Variants in RIMS2 observed in about 807,000 individuals in gnomAD.
RIMS2 encodes the protein regulating synaptic membrane exocytosis 2.
A neutral mutation model predicts 174.4 loss-of-function variants in RIMS2; 59 were observed. That is an observed-to-expected ratio of 0.34 (90% CI 0.27 to 0.42). The LOEUF (loss-of-function observed/expected upper bound fraction) is 0.42. RIMS2 is among the 10% of genes least tolerant of loss of function. RIMS2 has a pLI of 1.00. For synonymous variants in RIMS2, 606 were observed against 572.5 expected (o/e 1.06, Z -0.84); for missense variants, 1,620 against 1,666.3 (o/e 0.97, Z 0.48).
chr8:103,503,402 A>G (rs551011234), intron 1 of RIMS2, among the ~76,000 whole-genome samples: 140 of 152,122 alleles, frequency 9.2e-4, no homozygotes, highest in African/African-American at 3.2e-3. Context: ...AGTTTACTAA[A>G]TAATACATTA....
chr8:103,673,136 C>T (rs1188102924), intron 1 of RIMS2, among the ~76,000 whole-genome samples: 2 of 152,206 alleles, frequency 1.3e-5, no homozygotes, highest in Non-Finnish European at 2.9e-5. Flanking sequence ...AGGTGGGCTC[C>T]TATGGCCTTG....
chr8:104,039,799 A>G (rs1244621055), intron 19 of RIMS2, among the ~76,000 whole-genome samples: 3 of 151,762 alleles, frequency 2.0e-5, no homozygotes, highest in East Asian at 1.9e-4. Flanking sequence ...GATGGAAACA[A>G]AAATATAGCA....
intron 17 of RIMS2, among the ~76,000 whole-genome samples, chr8:103,997,497 A>C (rs940350355): frequency 6.6e-5 from 10 of 151,812 alleles, no homozygotes; most frequent in African/African-American, 2.4e-4. Context: ...GAAAGTAGGA[A>C]ATTTTAAATT....
At position 104,135,966 on chromosome 8, in the gene RIMS2, C is replaced by A. The variant is rs949709985; in HGVS notation, c.3335-108950C>A. ...GGGGTAATCTTCTGGATAATGTTAT[C>A]CCCGTTTTATACAATATGGAAACTG... is the stretch of plus-strand genomic sequence containing the variant. On this transcript the variant is annotated intron_variant, in intron 19 of 23. Transcript: ENST00000504942. 2.0e-5 allele frequency among the ~76,000 whole-genome samples: 3 copies of A among 152,120 alleles called. No individual in the cohort carries two copies. The South Asian group carries it at 6.2e-4, about 31-fold the overall frequency.
At chr8:103,687,306 G>A (rs954592066) in intron 1 of RIMS2, among the ~76,000 whole-genome samples, 18 of 151,936 alleles carry the variant, frequency 1.2e-4, no homozygotes, top group African/African-American at 3.1e-4. Context: ...CATTCTTGCT[G>A]TAGGTAATTT....
intron 19 of RIMS2, among the ~76,000 whole-genome samples, chr8:104,080,239 A>G (rs1292278111): frequency 6.6e-6 from 1 of 152,090 alleles, no homozygotes; most frequent in African/African-American, 2.4e-5. Context: ...TGTTAAACAA[A>G]TATGTGGTAC....
chr8:103,868,522 T>C (rs1249585497), intron 3 of RIMS2, among the ~76,000 whole-genome samples: 1 of 152,106 alleles, frequency 6.6e-6, no homozygotes, highest in East Asian at 1.9e-4. Flanking sequence ...TCCTCTTGAA[T>C]TGGGAATGTG....
chr8:104,040,057 G>C (rs1273015532), intron 19 of RIMS2, among the ~76,000 whole-genome samples: 1 of 151,292 alleles, frequency 6.6e-6, no homozygotes, highest in East Asian at 1.9e-4. Flanking sequence ...AATTGTTTTG[G>C]TCATCTTAGC....
intron 3 of RIMS2, among the ~76,000 whole-genome samples, chr8:103,832,580 C>G (rs1165236729): frequency 2.6e-5 from 4 of 152,088 alleles, no homozygotes; most frequent in African/African-American, 7.2e-5. Context: ...TTGTTCGCCT[C>G]TATGTGTCCA....
chr8:103,778,857 A>G (rs938477081), intron 3 of RIMS2, among the ~76,000 whole-genome samples: 1 of 152,088 alleles, frequency 6.6e-6, no homozygotes, highest in East Asian at 1.9e-4. Flanking sequence ...ATACTAATTT[A>G]TGTCCCCACC....
chr8:103,610,997 T>C (rs2095349749), intron 1 of RIMS2, among the ~76,000 whole-genome samples: 1 of 152,214 alleles, frequency 6.6e-6, no homozygotes, highest in South Asian at 2.1e-4. Flanking sequence ...GATTCAATTA[T>C]CGAACTCATT....
At chr8:103,957,866 C>T (rs926411521) in intron 14 of RIMS2, among the ~76,000 whole-genome samples, 3 of 152,120 alleles carry the variant, frequency 2.0e-5, no homozygotes, top group African/African-American at 7.2e-5. Context: ...CATCGCACAC[C>T]AGACAAAATG....
intron 19 of RIMS2, among the ~76,000 whole-genome samples, chr8:104,114,142 A>G (rs1298406517): frequency 2.6e-5 from 4 of 152,054 alleles, no homozygotes; most frequent in Non-Finnish European, 5.9e-5. Flanking sequence ...AGTAATTTTC[A>G]TGTTCTCTAA....
chr8:103,985,464 A>T (rs140291972), intron 16 of RIMS2, among the ~76,000 whole-genome samples: 1 of 128,904 alleles, frequency 7.8e-6, no homozygotes, highest in Non-Finnish European at 1.6e-5. Context: ...ACAAAGCAAG[A>T]CTCTGTCTCA....
At chr8:104,005,650 C>T (rs1246905717) in intron 17 of RIMS2, among the ~76,000 whole-genome samples, 1 of 152,104 alleles carries the variant, frequency 6.6e-6, no homozygotes, top group South Asian at 2.1e-4. Flanking sequence ...AGCCAAGAAT[C>T]ACAGAGATAA....
At chr8:103,515,092 A>C (rs1828378093) in intron 1 of RIMS2, among the ~76,000 whole-genome samples, 1 of 152,168 alleles carries the variant, frequency 6.6e-6, no homozygotes, top group African/African-American at 2.4e-5. Flanking sequence ...TGACAATTAT[A>C]ATGTTGAAAT....
intron 19 of RIMS2, among the ~76,000 whole-genome samples, chr8:104,240,567 A>T (rs372779330): frequency 2.6e-5 from 4 of 152,216 alleles, no homozygotes; most frequent in African/African-American, 9.6e-5. Flanking sequence ...GATTTATTTG[A>T]TTATGTCAGA....
At chr8:103,767,322 G>T (rs1350593032) in intron 3 of RIMS2, among the ~76,000 whole-genome samples, 1 of 151,810 alleles carries the variant, frequency 6.6e-6, no homozygotes, top group Non-Finnish European at 1.5e-5. Flanking sequence ...CGAGTAGCTG[G>T]GACTACAAGT....
chr8:103,860,971 ATTTTGT>A (rs1272391874), intron 3 of RIMS2, among the ~76,000 whole-genome samples: 3 of 151,864 alleles, frequency 2.0e-5, no homozygotes, highest in Non-Finnish European at 4.4e-5. Flanking sequence ...TTCTTTTTAT[ATTTTGT>A]TTTTATTTTT....
Sources: gnomAD v4.1 joint callset for allele counts (sites outside exome capture counted in the v4.1 genomes callset) on GRCh38, gnomAD v4.1.1 for gene constraint, MANE v1.5 for transcripts, NCBI Gene and HGNC (gene_info 2026-07-23, HGNC 2026-07-21) for gene names.